The following STARD13 variants were observed in gnomAD, a reference collection of about 807,000 sequenced individuals.
STARD13 encodes the protein StAR related lipid transfer domain containing 13, also known as stAR-related lipid transfer protein 13.
In STARD13, 62 loss-of-function variants were observed where a neutral mutation model predicts 106.4. The ratio of observed to expected loss-of-function variants is 0.58; its 90% confidence interval spans 0.48 to 0.72. STARD13 has a LOEUF of 0.72. Ranked by LOEUF, STARD13 falls within the 30% of genes least tolerant of loss-of-function variation. The pLI, the probability that STARD13 is intolerant of heterozygous loss-of-function variation, is 0.00. For synonymous variants in STARD13, 565 were observed against 553.0 expected, an observed-to-expected ratio of 1.02 and a Z score of -0.31; for missense variants, 1,387 against 1,424.0, an observed-to-expected ratio of 0.97 and a Z score of 0.42.
chr13:33,526,118 T>G, the STARD13 span, among the ~76,000 whole-genome samples: 1 of 152,082 alleles, frequency 6.6e-6, no homozygotes, highest in Non-Finnish European at 1.5e-5. Flanking sequence ...TGATAGTTAC[T>G]GCTGTGTACT....
chr13:33,343,261 TA>T (rs922000732), intron 1 of STARD13, among the ~76,000 whole-genome samples: 2 of 149,898 alleles, frequency 1.3e-5, no homozygotes, highest in African/African-American at 4.9e-5. Context: ...ATAGTAAAAT[TA>T]AAAAAAATTA....
chr13:33,634,719 ATG>A, the STARD13 span, among the ~76,000 whole-genome samples: 1 of 151,154 alleles, frequency 6.6e-6, no homozygotes, highest in African/African-American at 2.5e-5. Flanking sequence ...ACACACACAC[ATG>A]CACACACACA....
chr13:33,283,433 TA>T (rs144956543), intron 1 of STARD13, among the ~76,000 whole-genome samples: 3,228 of 152,148 alleles, frequency 0.021, 146 homozygotes, highest in East Asian at 0.19. Context: ...ATGGGCATAA[TA>T]AAAAAAATTA....
the STARD13 span, among the ~76,000 whole-genome samples, chr13:33,429,980 C>G: frequency 1.3e-5 from 2 of 150,428 alleles, no homozygotes; most frequent in Non-Finnish European, 2.9e-5. Context: ...TGCAGTGGCG[C>G]GATCTCGGCT....
the STARD13 span, among the ~76,000 whole-genome samples, chr13:33,613,259 G>A: frequency 2.0e-5 from 3 of 152,220 alleles, no homozygotes; most frequent in Admixed American, 6.5e-5. Context: ...TAGGTAAAGT[G>A]GATGAGGCTC....
At chr13:33,144,761 T>G (rs1354900900) in intron 3 of STARD13, among the ~76,000 whole-genome samples, 1 of 152,206 alleles carries the variant, frequency 6.6e-6, no homozygotes, top group Non-Finnish European at 1.5e-5. Flanking sequence ...ATTTGGTGGC[T>G]CTGTAACAGG....
intron 1 of STARD13, among the ~76,000 whole-genome samples, chr13:33,320,610 T>G (rs188203149): frequency 6.6e-6 from 1 of 152,328 alleles, no homozygotes; most frequent in East Asian, 1.9e-4. Context: ...AAAATATACT[T>G]AGATTATATA....
At chr13:33,482,715 T>C in the STARD13 span, among the ~76,000 whole-genome samples, 3 of 152,180 alleles carry the variant, frequency 2.0e-5, no homozygotes, top group Admixed American at 6.5e-5. Flanking sequence ...AAGGAAAGAA[T>C]AGGGAAACTT....
In STARD13 at chr13:33,105,475, T is replaced by G. The variant is rs972059797; in HGVS notation, c.*118A>C. 7.1e-6 allele frequency: 5 copies of G among 704,096 alleles called. No homozygotes were observed. The African/African-American group carries it at 8.8e-5, about 12-fold the overall frequency. 43.6% of individuals were successfully genotyped at this position (704,096 alleles called of 1,614,324 possible). Reference sequence around the variant, plus strand: ...TCCAACTTCTTAACGTTTCCATTTTTAGGCATTAACCGCGTCCTTCAGTTC... The same window carrying G: ...TCCAACTTCTTAACGTTTCCATTTTGAGGCATTAACCGCGTCCTTCAGTTC... On this transcript the variant is annotated 3_prime_UTR_variant, in exon 14 of 14. Coordinates refer to ENST00000336934, the MANE Select transcript of STARD13 (RefSeq NM_178006.4).
At chr13:33,404,708 G>C in the STARD13 span, among the ~76,000 whole-genome samples, 1 of 151,786 alleles carries the variant, frequency 6.6e-6, no homozygotes, top group Admixed American at 6.6e-5. Context: ...ACAGTAATGT[G>C]AGAAGGAATT....
chr13:33,621,962 G>A, the STARD13 span, among the ~76,000 whole-genome samples: 8 of 151,378 alleles, frequency 5.3e-5, no homozygotes, highest in African/African-American at 1.9e-4. Flanking sequence ...CCACCACCAC[G>A]CCCGGCTAAT....
At chr13:33,389,858 C>T in the STARD13 span, among the ~76,000 whole-genome samples, 1 of 152,066 alleles carries the variant, frequency 6.6e-6, no homozygotes, top group Non-Finnish European at 1.5e-5. Context: ...CAAGAATATC[C>T]TGTAATTTTG....
At chr13:33,491,339 T>G in the STARD13 span, among the ~76,000 whole-genome samples, 2 of 152,216 alleles carry the variant, frequency 1.3e-5, no homozygotes, top group Admixed American at 6.5e-5. Flanking sequence ...ATTGATGATT[T>G]GATTGTCTAA....
intron 8 of STARD13, among the ~76,000 whole-genome samples, chr13:33,116,181 C>T (rs1307488193): frequency 1.3e-5 from 2 of 152,174 alleles, no homozygotes; most frequent in Non-Finnish European, 2.9e-5. Flanking sequence ...GTATGTCTGC[C>T]ATACATGCAA....
the STARD13 span, among the ~76,000 whole-genome samples, chr13:33,599,445 T>C: frequency 2.0e-5 from 3 of 152,206 alleles, no homozygotes; most frequent in African/African-American, 7.2e-5. Context: ...GTTTCATCAG[T>C]TACTTAATAA....
the STARD13 span, among the ~76,000 whole-genome samples, chr13:33,575,321 T>C: frequency 3.9e-5 from 6 of 152,208 alleles, no homozygotes; most frequent in African/African-American, 1.2e-4. Flanking sequence ...AAAATATAAT[T>C]TGGACAAATT....
rs112842261 is a variant in STARD13, at chr13:33,284,608, T to G, written c.169+862A>C. ...TTTAGCACCAATATAATAATTTCTT[T>G]TTTGTAGTCTAGGAGGAGGGTGATC... On this transcript the variant is annotated intron_variant, in intron 1 of 13. Coordinates refer to ENST00000336934, the MANE Select transcript of STARD13 (RefSeq NM_178006.4). 9.6e-3 allele frequency among the ~76,000 whole-genome samples: 1,458 copies of G among 152,258 alleles called. 10 individuals carry two copies. The highest frequency in any genetic ancestry group is 0.015 in the Non-Finnish European group (1,000 of 68,000).
chr13:33,503,513 G>A, the STARD13 span, among the ~76,000 whole-genome samples: 2 of 152,078 alleles, frequency 1.3e-5, no homozygotes, highest in African/African-American at 2.4e-5. Flanking sequence ...TCTTTTGTGG[G>A]CATTTAGTGC....
In STARD13 at chr13:33,103,709, C is replaced by T. The variant is rs896355056; in HGVS notation, c.*1884G>A. On this transcript the variant is annotated 3_prime_UTR_variant, in exon 14 of 14. Transcript: ENST00000336934. The stretch of plus-strand genomic sequence containing the variant: ...TGGGCGATACAAAGCCACTCATCCT[C>T]GTGTGCCTATCACGTTTTCCAAACA... The T allele has an allele frequency of 6.6e-6, 1 of 152,556 alleles. No individual in the cohort carries two copies. The highest frequency in any genetic ancestry group is 2.4e-5 in the African/African-American group (1 of 41,454). 9.5% of individuals were successfully genotyped at this position (152,556 alleles called of 1,614,324 possible).
Sources: allele counts gnomAD v4.1 joint callset (sites outside exome capture counted in the v4.1 genomes callset), GRCh38; gene constraint gnomAD v4.1.1; transcripts MANE v1.5; gene names NCBI Gene and HGNC (gene_info 2026-07-23, HGNC 2026-07-21).